Variants in BCAS3 observed in about 807,000 individuals in gnomAD.
BCAS3 encodes BCAS4/BCAS3 fusion.
A neutral mutation model predicts 116.1 loss-of-function variants in BCAS3; 53 were observed. The ratio of observed to expected loss-of-function variants is 0.46; its 90% CI spans 0.37 to 0.57. The LOEUF is 0.57. Ranked by LOEUF, BCAS3 falls within the 20% of genes least tolerant of loss-of-function variation. The pLI is 0.00. For synonymous variants in BCAS3, 391 were observed against 408.2 expected (o/e 0.96, Z 0.51); for missense variants, 917 against 1,165.4 (o/e 0.79, Z 3.10).
chr17:61,248,412 G>A lies in BCAS3; in HGVS notation c.2426-119915G>A, dbSNP rs2048137680. Among the ~76,000 whole-genome samples, 1 of 152,056 alleles carries A rather than the reference G, an allele frequency of 6.6e-6. No individual in the cohort carries two copies. Among genetic ancestry groups the A allele is most frequent in the Non-Finnish European group, 1.5e-5 (1 of 68,032 alleles). On this transcript the variant is annotated intron_variant, in intron 22 of 23. Coordinates refer to ENST00000407086, the MANE Select transcript of BCAS3 (RefSeq NM_017679.5). This position sits in a 1 kb window ranked among gnomAD's most constrained non-coding sequence, Gnocchi z 4.3. ...CTAAAGGACCATTCCTATGATTATT[G>A]CAACCCATTTCTCAGGTCTTTCAAA...
Position 60,871,586 on chromosome 17 carries a change from GT to G in BCAS3, c.584+2911del, listed in dbSNP as rs934655479. On this transcript the variant is annotated intron_variant, in intron 8 of 23. Coordinates refer to ENST00000407086, the MANE Select transcript of BCAS3 (RefSeq NM_017679.5). ...GCAGTTTATTTTCTAGTTTGCCAGG[GT>G]TTTTTTTGGTTTGTTTTTGTTTTTT... Among the ~76,000 whole-genome samples, 3 of 148,244 alleles carry G rather than the reference GT, an allele frequency of 2.0e-5. No individual in the cohort carries two copies. The Admixed American group carries it at 2.0e-4, about 10-fold the overall frequency.
At chr17:61,135,170 T>A (rs1367667983) in intron 22 of BCAS3, among the ~76,000 whole-genome samples, 1 of 152,192 alleles carries the variant, frequency 6.6e-6, no homozygotes, top group Non-Finnish European at 1.5e-5. Context: ...AACAGATGAT[T>A]ATAAATGGTA....
chr17:60,853,837 A>C (rs1370087357), intron 7 of BCAS3, among the ~76,000 whole-genome samples: 1 of 152,260 alleles, frequency 6.6e-6, no homozygotes, highest in Admixed American at 6.5e-5. Context: ...GCATGTATAA[A>C]CACCTCATTC....
intron 22 of BCAS3, among the ~76,000 whole-genome samples, chr17:61,121,476 C>T (rs2075785714): frequency 6.6e-6 from 1 of 152,088 alleles, no homozygotes; most frequent in Non-Finnish European, 1.5e-5. Context: ...AAGATTGTAA[C>T]CACTGCTTTG....
intron 22 of BCAS3, among the ~76,000 whole-genome samples, chr17:61,351,727 T>G (rs903368619): frequency 6.6e-6 from 1 of 152,198 alleles, no homozygotes; most frequent in Non-Finnish European, 1.5e-5. Flanking sequence ...TCAGAATGGC[T>G]TAACCAGGAG....
chr17:61,052,515 A>G (rs2068953817), intron 19 of BCAS3, among the ~76,000 whole-genome samples: 3 of 152,166 alleles, frequency 2.0e-5, no homozygotes, highest in African/African-American at 7.2e-5. Flanking sequence ...AGTAAAAGCA[A>G]CTAGTACAGA....
chr17:61,104,522 A>G lies in BCAS3; in HGVS notation c.2425+19958A>G, dbSNP rs888975631. Among the ~76,000 whole-genome samples, 2 of 152,150 alleles carry G rather than the reference A, an allele frequency of 1.3e-5. No individual in the cohort carries two copies. Among genetic ancestry groups the G allele is most frequent in the East Asian group, 1.9e-4 (1 of 5,194 alleles). The stretch of plus-strand genomic sequence containing the variant: ...TGAGGCAACCTTTGGGGATTGAGAT[A>G]TATGCCTTTCAGATCTGCACTTCAT... On this transcript the variant is annotated intron_variant, in intron 22 of 23. Coordinates refer to ENST00000407086, the MANE Select transcript of BCAS3 (RefSeq NM_017679.5). The surrounding 1 kb of genome is among the most constrained non-coding windows in gnomAD (Gnocchi z 4.1).
At chr17:60,988,360 T>TTTTTTTTTTTTTTTTTTTTG (rs1555651709) in intron 14 of BCAS3, among the ~76,000 whole-genome samples, 20 of 134,808 alleles carry the variant, frequency 1.5e-4, no homozygotes, top group African/African-American at 6.0e-4. Context: ...TTTTTTTTTT[T>TTTTTTTTTTTTTTTTTTTTG]ATGTATGTGT....
chr17:60,953,397 T>C (rs1395176997), intron 14 of BCAS3, among the ~76,000 whole-genome samples: 1 of 151,772 alleles, frequency 6.6e-6, no homozygotes, highest in Non-Finnish European at 1.5e-5. Flanking sequence ...CTTTGCCCAC[T>C]ATTTAATGGG....
chr17:61,300,177 A>C lies in BCAS3; in HGVS notation c.2426-68150A>C, dbSNP rs900085313. Among the ~76,000 whole-genome samples the C allele has an allele frequency of 2.6e-5, 4 of 152,188 alleles. No homozygotes were observed. Among genetic ancestry groups the C allele is most frequent in the African/African-American group, 7.2e-5 (3 of 41,444 alleles). ...AGAAGTAAATACAGCTTATACTGAA[A>C]GGACAAAACAGCCAGCCAGTCTTCT... is the stretch of plus-strand genomic sequence containing the variant. On this transcript the variant is annotated intron_variant, in intron 22 of 23. Coordinates refer to ENST00000407086, the MANE Select transcript of BCAS3 (RefSeq NM_017679.5). The surrounding 1 kb of genome is among the most constrained non-coding windows in gnomAD (Gnocchi z 5.1).
intron 22 of BCAS3, among the ~76,000 whole-genome samples, chr17:61,110,778 C>T (rs1202142447): frequency 6.6e-6 from 1 of 152,104 alleles, no homozygotes; most frequent in Non-Finnish European, 1.5e-5. Flanking sequence ...GTAGGCTCCA[C>T]CTCTGGGGGC....
intron 12 of BCAS3, among the ~76,000 whole-genome samples, chr17:60,923,766 G>A (rs2059223192): frequency 6.6e-6 from 1 of 151,954 alleles, no homozygotes; most frequent in African/African-American, 2.4e-5. Flanking sequence ...AAAATTAAGA[G>A]GAGTGAATAA....
At chr17:61,268,791 CA>C (rs1286148029) in intron 22 of BCAS3, among the ~76,000 whole-genome samples, 3 of 152,152 alleles carry the variant, frequency 2.0e-5, no homozygotes, top group African/African-American at 7.2e-5. Flanking sequence ...CTCCTGACCT[CA>C]GATGATCTGC....
intron 13 of BCAS3, 151 bp downstream of exon 13, chr17:60,924,651 A>G: frequency 1.9e-6 from 1 of 522,946 alleles, no homozygotes; most frequent in South Asian, 4.5e-5. Flanking sequence ...GAATAAAGGA[A>G]TTTATAATAA....
chr17:60,700,264 T>C (rs1170810954), intron 4 of BCAS3, among the ~76,000 whole-genome samples: 1 of 151,990 alleles, frequency 6.6e-6, no homozygotes, highest in African/African-American at 2.4e-5. Context: ...GAGTAGCTGT[T>C]GTAGCTTAGA....
At chr17:60,743,867 A>G (rs1158519039) in intron 5 of BCAS3, among the ~76,000 whole-genome samples, 1 of 152,184 alleles carries the variant, frequency 6.6e-6, no homozygotes, top group Non-Finnish European at 1.5e-5. Context: ...CTAAACTTGT[A>G]CTACCCCCAC....
At chr17:60,800,055 T>C (rs2047632115) in intron 6 of BCAS3, among the ~76,000 whole-genome samples, 1 of 152,208 alleles carries the variant, frequency 6.6e-6, no homozygotes, top group African/African-American at 2.4e-5. Flanking sequence ...CACAAGTTTT[T>C]CTGTGAGCAC....
rs11345486 is a variant in BCAS3, at chr17:60,878,013, C to CT, written c.661+3289dup. ...TAAGCCCAGTAATGTCTTTTTTTTT[C>CT]TTTTTTTTTTTTTTGAGATGGAGTC... On this transcript the variant is annotated intron_variant, in intron 9 of 23. Coordinates refer to ENST00000407086, the MANE Select transcript of BCAS3 (RefSeq NM_017679.5). Among the ~76,000 whole-genome samples the CT allele has an allele frequency of 6.3e-3, 829 of 132,528 alleles. 11 individuals are homozygous for CT. Among genetic ancestry groups the CT allele is most frequent in the South Asian group, 0.011 (46 of 4,286 alleles). The allele number at this position is 132,528 out of a possible 152,430, so 86.9% of individuals were successfully genotyped here. A position where few individuals can be genotyped will look rare whatever the true frequency, so the allele number is the denominator to read the frequency against.
chr17:61,110,489 C>A (rs1036299789), intron 22 of BCAS3, among the ~76,000 whole-genome samples: 1 of 152,200 alleles, frequency 6.6e-6, no homozygotes, highest in Non-Finnish European at 1.5e-5. Context: ...GACGGACGCA[C>A]CTGGATAATT....
Sources: gnomAD v4.1 joint callset for allele counts (sites outside exome capture counted in the v4.1 genomes callset) on GRCh38, gnomAD v4.1.1 for gene constraint, Gnocchi (gnomAD v3.1) non-coding constraint, MANE v1.5 for transcripts, NCBI Gene and HGNC (gene_info 2026-07-23, HGNC 2026-07-21) for gene names.